The following DENND2B variants were observed in gnomAD, a reference collection of about 807,000 sequenced individuals.
DENND2B encodes DENN domain containing 2B.
A neutral mutation model predicts 116.0 loss-of-function variants in DENND2B; 32 were observed. The observed-to-expected ratio is 0.28, with a 90% CI of 0.21 to 0.37. DENND2B has a LOEUF of 0.37. Ranked by LOEUF, DENND2B falls within the 10% of genes least tolerant of loss-of-function variation. The pLI is 1.00. For synonymous variants in DENND2B, 588 were observed against 583.9 expected, an observed-to-expected ratio of 1.01 and a Z score of -0.10; for missense variants, 1,276 against 1,477.7, an observed-to-expected ratio of 0.86 and a Z score of 2.24.
chr11:8,714,573 C>A, intron 7 of DENND2B, 37 bp downstream of exon 7: 1 of 1,579,278 alleles, frequency 6.3e-7, no homozygotes, highest in African/African-American at 1.3e-5. Context: ...GCCCAAGGGC[C>A]CCAAACAGCT....
rs1469952408 is a variant in DENND2B, at chr11:8,712,589, T to A, written c.2134A>T (p.Asn712Tyr). 6.4e-7 allele frequency: 1 copy of A among 1,556,146 alleles called. No homozygotes were observed. The highest frequency in any genetic ancestry group is 1.9e-5 in the Admixed American group (1 of 51,450). Residue 712 changes from asparagine to tyrosine, a missense_variant, in exon 9 of 20, where the codon AAC (asparagine) becomes TAC (tyrosine). Asn to Tyr is a moderately radical substitution (Grantham distance 143). Coordinates refer to ENST00000313726, the MANE Select transcript of DENND2B (RefSeq NM_213618.2). The surrounding 1 kb of genome is among the most constrained non-coding windows in gnomAD (Gnocchi z 4.4). ...VVSLKKKPSR[N>Y]TYLPEVSYQF... The stretch of plus-strand genomic sequence containing the variant: ...TAGGAGACTTCGGGGAGGTAGGTGT[T>A]TCGCGATGGCTTCTTCTTGAGGGAC...
At chr11:8,725,839 C>T (rs2047000418) in intron 4 of DENND2B, among the ~76,000 whole-genome samples, 1 of 152,202 alleles carries the variant, frequency 6.6e-6, no homozygotes. Context: ...TTTTCTCCTT[C>T]TCGTGTCCCC....
chr11:8,885,781 C>T (rs2063953722), intron 1 of DENND2B, among the ~76,000 whole-genome samples: 1 of 152,000 alleles, frequency 6.6e-6, no homozygotes, highest in Non-Finnish European at 1.5e-5. Context: ...TGAAGAAATT[C>T]AGTGGTGGGT....
At chr11:8,698,164 A>G (rs1354117542) in intron 16 of DENND2B, among the ~76,000 whole-genome samples, 2 of 146,892 alleles carry the variant, frequency 1.4e-5, no homozygotes, top group Admixed American at 6.7e-5. Context: ...AAAAAAAAAA[A>G]AAGGGGGTAG....
intron 11 of DENND2B, among the ~76,000 whole-genome samples, chr11:8,709,613 C>T (rs909108763): frequency 7.9e-5 from 12 of 152,200 alleles, no homozygotes; most frequent in South Asian, 2.1e-4. Context: ...TACCTCCCCA[C>T]GCCCCCTCTC....
chr11:8,712,557 A>C lies in DENND2B; in HGVS notation c.2166T>G (p.Phe722Leu). 2 of 1,551,998 alleles carry C rather than the reference A, an allele frequency of 1.3e-6. No homozygotes were observed. Among genetic ancestry groups the C allele is most frequent in the Non-Finnish European group, 1.7e-6 (2 of 1,146,976 alleles). The change falls in exon 9 of 20, where the codon TTT becomes TTG. Residue 722 changes from phenylalanine (F) to leucine (L), a missense_variant. Transcript: ENST00000313726. This position sits in a 1 kb window ranked among gnomAD's most constrained non-coding sequence, Gnocchi z 4.4. Reference protein sequence around the residue: ...NTYLPEVSYQFPKLDRPTKQM... With the variant: ...NTYLPEVSYQLPKLDRPTKQM... Reference sequence around the variant, plus strand: ...GGGAGAGAGAAGGCCTCACCTTGGGAAACTGGTAGGAGACTTCGGGGAGGT... The same window carrying C: ...GGGAGAGAGAAGGCCTCACCTTGGGCAACTGGTAGGAGACTTCGGGGAGGT...
At chr11:8,819,224 C>A (rs2061679129) in intron 4 of DENND2B, among the ~76,000 whole-genome samples, 1 of 151,958 alleles carries the variant, frequency 6.6e-6, no homozygotes. Flanking sequence ...GCAAAACCCC[C>A]ATCTCTACAA....
intron 4 of DENND2B, among the ~76,000 whole-genome samples, chr11:8,821,561 A>G (rs530812336): frequency 4.8e-5 from 7 of 145,094 alleles, no homozygotes; most frequent in Non-Finnish European, 9.1e-5. Context: ...CCCAGGAGAC[A>G]GAGAGAGATC....
At chr11:8,870,068 C>T (rs1042380290) in intron 2 of DENND2B, among the ~76,000 whole-genome samples, 2 of 152,190 alleles carry the variant, frequency 1.3e-5, no homozygotes, top group African/African-American at 2.4e-5. Context: ...TAGCTGAAAA[C>T]AGTCTTGCAG....
At chr11:8,811,062 G>T (rs189372885), upstream of DENND2B, 21 of 383,438 alleles carry the variant, frequency 5.5e-5, no homozygotes, top group South Asian at 1.5e-4. Flanking sequence ...TCCCTGCCAG[G>T]GGGGAGGGAG....
chr11:8,735,021 G>A (rs2048770174), intron 2 of DENND2B, among the ~76,000 whole-genome samples: 1 of 142,014 alleles, frequency 7.0e-6, no homozygotes, highest in South Asian at 2.6e-4. Flanking sequence ...CGGGAGGGCG[G>A]GGAGTAAATC....
chr11:8,867,584 T>TC (rs2063628398), intron 2 of DENND2B, among the ~76,000 whole-genome samples: 1 of 140,956 alleles, frequency 7.1e-6, no homozygotes, highest in East Asian at 2.0e-4. Context: ...TTTTTTTTTT[T>TC]TTTTTTTTTT....
chr11:8,697,592 A>G lies in DENND2B; in HGVS notation c.2985T>C (p.Ala995=). 6.2e-7 allele frequency: 1 copy of G among 1,614,256 alleles called. No homozygotes were observed. The highest frequency in any genetic ancestry group is 8.5e-7 in the Non-Finnish European group (1 of 1,180,042). The change falls in exon 17 of 20, where the codon GCT becomes GCC. Residue 995 remains alanine (A), a synonymous_variant. Transcript: ENST00000313726. ...TCTTCCTCTCCAGAGCCTGCTCCAG[A>G]GCTGCCTGTAACTTCCTAGGTAACA... ...DTLLPRKLQA[A]LEQALERKNE...
Position 8,731,171 on chromosome 11 carries a change from G to A in DENND2B, c.119C>T (p.Pro40Leu). 6.5e-7 allele frequency: 1 copy of A among 1,537,348 alleles called. No homozygotes were observed. The highest frequency in any genetic ancestry group is 8.8e-7 in the Non-Finnish European group (1 of 1,142,416). ...SVSPPPVLSPPRSPIYPLSDS... is the reference protein window; with the variant it reads ...SVSPPPVLSPLRSPIYPLSDS... ...ACTGAGCGGGTAGATGGGACTCCTT[G>A]GTGGGGAGAGAACTGGAGGTGGAGA... Residue 40 changes from proline (P) to leucine (L), a missense_variant, in exon 3 of 20, where the codon CCA (proline) becomes CTA (leucine). Transcript: ENST00000313726.
intron 5 of DENND2B, 58 bp from the exon 6 acceptor site, chr11:8,715,876 C>CT: frequency 6.7e-7 from 1 of 1,499,530 alleles, no homozygotes; most frequent in Non-Finnish European, 9.0e-7. Context: ...TGGCCAGTGT[C>CT]TGTCTGCTGG....
intron 1 of DENND2B, among the ~76,000 whole-genome samples, chr11:8,767,524 G>A (rs1391000900): frequency 6.6e-6 from 1 of 152,210 alleles, no homozygotes; most frequent in Non-Finnish European, 1.5e-5. Context: ...GACAAGGACT[G>A]TGTTGTTCAT....
chr11:8,774,034 T>C, intron 1 of DENND2B: 1 of 910,804 alleles, frequency 1.1e-6, no homozygotes, highest in Non-Finnish European at 1.3e-6. Context: ...TAAGCTTCAG[T>C]TTTCTCATCT....
At chr11:8,798,828 C>CTTTT (rs200890965) in intron 1 of DENND2B, among the ~76,000 whole-genome samples, 16 of 134,182 alleles carry the variant, frequency 1.2e-4, no homozygotes, top group African/African-American at 3.9e-4. Context: ...TTTCCGGTTG[C>CTTTT]TTTTTTTTTT....
chr11:8,774,866 T>TTG (rs1245116417), intron 1 of DENND2B, among the ~76,000 whole-genome samples: 8 of 150,202 alleles, frequency 5.3e-5, no homozygotes, highest in South Asian at 4.2e-4. Context: ...TTTTTTCGTT[T>TTG]TTTTTTTTTA....
Sources: gnomAD v4.1 joint callset for allele counts (sites outside exome capture counted in the v4.1 genomes callset) on GRCh38, gnomAD v4.1.1 for gene constraint, Gnocchi (gnomAD v3.1) non-coding constraint, MANE v1.5 for transcripts, NCBI Gene and HGNC (gene_info 2026-07-23, HGNC 2026-07-21) for gene names.